Variants in TRAPPC10 observed in about 807,000 individuals in gnomAD.
TRAPPC10 encodes the protein TRAPP 130 kDa subunit.
Under a neutral mutation model 125.5 loss-of-function variants are expected in TRAPPC10, and 23 were observed. That is an observed-to-expected ratio of 0.18 (90% CI 0.13 to 0.26). TRAPPC10 has a LOEUF of 0.26. Among genes scored for constraint, TRAPPC10 ranks in the 10% least tolerant of loss-of-function variants. The probability of loss-of-function intolerance (pLI) is 1.00; values close to 1 mark genes in which losing one functional copy is unlikely to be tolerated. For missense variants in TRAPPC10, 1,123 were observed against 1,308.4 expected (o/e 0.86, Z 2.19); for synonymous variants, 509 against 518.0 (o/e 0.98, Z 0.24).
chr21:44,079,925 C>A, intron 12 of TRAPPC10, 90 bp from the exon 13 acceptor site: 1 of 1,240,172 alleles, frequency 8.1e-7, no homozygotes, highest in Non-Finnish European at 1.1e-6. Context: ...GCTTTTGAAG[C>A]CTCTGTGAAG....
In TRAPPC10 at chr21:44,091,974, G is replaced by A. The variant is rs779838404; in HGVS notation, c.2922G>A (p.Leu974=). 1.9e-6 allele frequency: 3 copies of A among 1,614,132 alleles called. No individual in the cohort carries two copies. The highest frequency in any genetic ancestry group is 2.5e-6 in the Non-Finnish European group (3 of 1,180,020). ...ATTTGTCAGAACTTGACTTTCAGCT[G>A]TCAGATAGTTATCTTGTAGATACCG... is the stretch of plus-strand genomic sequence containing the variant. The part of the protein sequence containing the change: ...VQNLSELDFQ[L]SDSYLVDTGD... Residue 974 remains leucine (L), a synonymous_variant, in exon 19 of 23, where the codon CTG becomes CTA. Coordinates refer to ENST00000291574, the MANE Select transcript of TRAPPC10 (RefSeq NM_003274.5).
chr21:44,045,746 C>T (rs369709263), intron 3 of TRAPPC10, among the ~76,000 whole-genome samples: 13 of 151,798 alleles, frequency 8.6e-5, no homozygotes, highest in South Asian at 4.2e-4. Flanking sequence ...GTAGTAGAGA[C>T]GGGGTTTAAC....
chr21:44,074,390 A>G lies in TRAPPC10; in HGVS notation c.1105A>G (p.Ile369Val). ...FLSCLEVLQR[I>V]EGCCDRAQID... ...GAGCTGTCTGGAGGTGTTGCAGAGG[A>G]TAGAAGGCTGCTGTGACCGGGCACA... Residue 369 changes from isoleucine (I) to valine (V), a missense_variant, in exon 8 of 23, where the codon ATA becomes GTA. By Grantham distance (29) the Ile-to-Val change is conservative. This residue lies in a region of TRAPPC10 where 840 missense variants were observed against 902.0 expected (regional missense o/e 0.93). Coordinates refer to ENST00000291574, the MANE Select transcript of TRAPPC10 (RefSeq NM_003274.5). 1 of 1,614,154 alleles carries G rather than the reference A, an allele frequency of 6.2e-7. No homozygotes were observed.
intron 1 of TRAPPC10, 132 bp from the exon 2 acceptor site, chr21:44,031,959 A>G: frequency 1.4e-6 from 1 of 727,256 alleles, no homozygotes; most frequent in Non-Finnish European, 2.4e-6. Flanking sequence ...AGGCACAGGT[A>G]CAGAAGAATC....
chr21:44,016,743 C>T (rs965100504), intron 1 of TRAPPC10, among the ~76,000 whole-genome samples: 9 of 152,156 alleles, frequency 5.9e-5, no homozygotes, highest in African/African-American at 2.2e-4. Context: ...ACTGCAAGCT[C>T]CGCCTCCCGG....
At chr21:44,038,186 C>T (rs1233489228) in intron 3 of TRAPPC10, among the ~76,000 whole-genome samples, 1 of 152,224 alleles carries the variant, frequency 6.6e-6, no homozygotes, top group East Asian at 1.9e-4. Context: ...GTTGTCCCTT[C>T]ATTCCTTGGC....
intron 2 of TRAPPC10, 42 bp from the exon 3 acceptor site, chr21:44,037,750 T>A: frequency 6.3e-7 from 1 of 1,594,584 alleles, no homozygotes; most frequent in Non-Finnish European, 8.6e-7. Flanking sequence ...TGATGAATGC[T>A]GTTTAGTTGT....
chr21:44,057,249 A>C (rs1388090886), intron 5 of TRAPPC10, among the ~76,000 whole-genome samples: 1 of 152,088 alleles, frequency 6.6e-6, no homozygotes, highest in African/African-American at 2.4e-5. Flanking sequence ...TATTGGTTGC[A>C]CAATAGTGTG....
chr21:44,080,086 A>AG lies in TRAPPC10; in HGVS notation c.1684dup (p.Glu562GlyfsTer4). The AG allele has an allele frequency of 6.2e-7, 1 of 1,614,248 alleles. No homozygotes were observed. Among genetic ancestry groups the AG allele is most frequent in the Non-Finnish European group, 8.5e-7 (1 of 1,180,036 alleles). On this transcript the variant is annotated frameshift_variant, in exon 13 of 23. Coordinates refer to ENST00000291574, the MANE Select transcript of TRAPPC10 (RefSeq NM_003274.5). LOFTEE classifies it high-confidence loss of function. ...GAAGAGGAGCGCAAGCACTTCTGCC[A>AG]GGAGATACTTGACTTTGCCAGCCAG...
At chr21:44,034,325 T>A (rs958481974) in intron 2 of TRAPPC10, among the ~76,000 whole-genome samples, 1 of 48,624 alleles carries the variant, frequency 2.1e-5, no homozygotes, top group Admixed American at 2.3e-4. Flanking sequence ...CATTGCCCAC[T>A]CCCCCAACCC....
At chr21:44,061,662 C>G (rs1239907005) in intron 6 of TRAPPC10, among the ~76,000 whole-genome samples, 1 of 152,180 alleles carries the variant, frequency 6.6e-6, no homozygotes, top group Non-Finnish European at 1.5e-5. Flanking sequence ...CTGGTGCATA[C>G]ATTAGTTGAA....
At chr21:44,076,104 T>C (rs2037261769) in intron 9 of TRAPPC10, among the ~76,000 whole-genome samples, 3 of 152,142 alleles carry the variant, frequency 2.0e-5, no homozygotes, top group Admixed American at 2.0e-4. Flanking sequence ...GGATTACTCA[T>C]TGTTTTACGT....
chr21:44,086,954 A>G lies in TRAPPC10; in HGVS notation c.2533A>G (p.Thr845Ala). 6.2e-7 allele frequency: 1 copy of G among 1,613,990 alleles called. No individual in the cohort carries two copies. The highest frequency in any genetic ancestry group is 1.1e-5 in the South Asian group (1 of 91,076). The change falls in exon 16 of 23, where the codon ACG becomes GCG. Residue 845 changes from threonine (T) to alanine (A), a missense_variant. Physicochemically the swap from Thr to Ala is moderately conservative, Grantham distance 58. This residue lies in a region of TRAPPC10 where 840 missense variants were observed against 902.0 expected (regional missense o/e 0.93). Coordinates refer to ENST00000291574, the MANE Select transcript of TRAPPC10 (RefSeq NM_003274.5). ...GAGCAGGGCTGTGGTCTACTCCAAC[A>G]CGAGAGGTGAGGTGCCGCCCACCCA... The part of the protein sequence containing the change: ...AESRAVVYSN[T>A]REQSSEAALR...
chr21:44,045,590 T>C (rs1220000178), intron 3 of TRAPPC10, among the ~76,000 whole-genome samples: 5 of 152,020 alleles, frequency 3.3e-5, no homozygotes, highest in African/African-American at 1.2e-4. Context: ...CTCGCACTGT[T>C]GCCCAGGCTG....
At chr21:44,083,674 T>C (rs886175853) in intron 14 of TRAPPC10, among the ~76,000 whole-genome samples, 1 of 152,214 alleles carries the variant, frequency 6.6e-6, no homozygotes, top group Non-Finnish European at 1.5e-5. Flanking sequence ...ATTTTCCTTT[T>C]GTGGCTGGCT....
chr21:44,065,296 G>A (rs2036361882), intron 7 of TRAPPC10, among the ~76,000 whole-genome samples: 2 of 152,278 alleles, frequency 1.3e-5, no homozygotes, highest in South Asian at 4.1e-4. Flanking sequence ...GCCATACGGG[G>A]TCTGTTGGCT....
intron 1 of TRAPPC10, among the ~76,000 whole-genome samples, chr21:44,014,611 T>C (rs930940209): frequency 7.1e-6 from 1 of 141,226 alleles, no homozygotes; most frequent in African/African-American, 2.8e-5. Flanking sequence ...TTTTTTTCAG[T>C]AGAGACAGAG....
chr21:44,081,005 C>CTTTTTTTTTTTTTTTTTTTT (rs71326026), intron 13 of TRAPPC10, among the ~76,000 whole-genome samples: 2 of 103,870 alleles, frequency 1.9e-5, no homozygotes, highest in African/African-American at 3.2e-5. Context: ...TATTATTGTT[C>CTTTTTTTTTTTTTTTTTTTT]TTTTTTTTTT....
rs549257237 is a variant in TRAPPC10 at position 44,087,477 on chromosome 21, T to A, written c.2540-222T>A. Among the ~76,000 whole-genome samples, 1 of 152,262 alleles carries A rather than the reference T, an allele frequency of 6.6e-6. No individual in the cohort carries two copies. The highest frequency in any genetic ancestry group is 1.9e-4 in the East Asian group (1 of 5,176). ...GGCCCCGTGGGAAATGCCCTTTTCC[T>A]CTCTTCAGATTGAGATCAATGATGG... On this transcript the variant is annotated intron_variant, in intron 16 of 22. Coordinates refer to ENST00000291574, the MANE Select transcript of TRAPPC10 (RefSeq NM_003274.5). This position sits in a 1 kb window ranked among gnomAD's most constrained non-coding sequence, Gnocchi z 4.6.
Sources: allele counts gnomAD v4.1 joint callset (sites outside exome capture counted in the v4.1 genomes callset), GRCh38; gene constraint gnomAD v4.1.1; regional missense constraint gnomAD v4.1.1; non-coding constraint Gnocchi (gnomAD v3.1); transcripts MANE v1.5; gene names NCBI Gene and HGNC (gene_info 2026-07-23, HGNC 2026-07-21).